Variants in MUC7 observed in about 807,000 individuals in gnomAD.
MUC7 encodes the protein mucin 7, secreted, also known as mucin-7.
In MUC7, 2 loss-of-function variants were observed where a neutral mutation model predicts 2.5. That is an observed-to-expected ratio of 0.81 (90% CI 0.33 to 2.55). The LOEUF (loss-of-function observed/expected upper bound fraction) is 2.55. Ranked by LOEUF, MUC7 falls within the 30% of genes most tolerant of loss-of-function variation. MUC7 has a pLI of 0.11. For synonymous variants in MUC7, 133 were observed against 173.4 expected, an observed-to-expected ratio of 0.77 and a Z score of 1.83; for missense variants, 408 against 455.6, an observed-to-expected ratio of 0.90 and a Z score of 0.95.
chr4:70,481,807 A>G lies in MUC7; in HGVS notation c.1063A>G (p.Lys355Glu). The change falls in exon 3 of 3, where the codon AAA becomes GAA. Residue 355 changes from lysine to glutamate, a missense_variant. Coordinates refer to ENST00000304887, the MANE Select transcript of MUC7 (RefSeq NM_152291.3). ...KQPTSAPGQN[K>E]ISRFLLYMKN... ...ACCAACTTCAGCTCCTGGCCAAAAT[A>G]AAATTTCTCGATTTCTTTTATATAT... The G allele has an allele frequency of 6.2e-7, 1 of 1,614,196 alleles. No individual in the cohort carries two copies. Among genetic ancestry groups the G allele is most frequent in the South Asian group, 1.1e-5 (1 of 91,088 alleles).
At position 70,482,720 on chromosome 4, in the gene MUC7, A is replaced by G. The variant is rs1420081523; in HGVS notation, c.*842A>G. The G allele has an allele frequency of 7.1e-6, 1 of 140,106 alleles. No individual in the cohort carries two copies. Among genetic ancestry groups the G allele is most frequent in the Non-Finnish European group, 1.6e-5 (1 of 63,846 alleles). 8.7% of individuals were successfully genotyped at this position (140,106 alleles called of 1,614,324 possible). A position where few individuals can be genotyped will look rare whatever the true frequency, so the allele number is the denominator to read the frequency against. ...TTAATTCACATAAATTCCATGTGAA[A>G]TGTATTCAACAATGGAATATTTTCT... On this transcript the variant is annotated 3_prime_UTR_variant, in exon 3 of 3. Transcript: ENST00000304887.
chr4:70,445,664 C>T (rs1388899852), intron 1 of MUC7, among the ~76,000 whole-genome samples: 2 of 152,130 alleles, frequency 1.3e-5, no homozygotes, highest in Non-Finnish European at 2.9e-5. Context: ...ACATAAATCC[C>T]AACCCAGTCT....
chr4:70,436,856 T>C (rs1312360760), intron 1 of MUC7, among the ~76,000 whole-genome samples: 3 of 152,236 alleles, frequency 2.0e-5, no homozygotes, highest in African/African-American at 7.2e-5. Context: ...TGGTCTTTGA[T>C]GTTGATGACC....
chr4:70,473,839 T>A (rs1315736069), intron 1 of MUC7, among the ~76,000 whole-genome samples, 168 bp from the exon 2 acceptor site: 1 of 152,208 alleles, frequency 6.6e-6, no homozygotes, highest in Non-Finnish European at 1.5e-5. Context: ...ATTTTAGGCC[T>A]GAAGCAATTT....
At chr4:70,434,218 G>C (rs904723844) in intron 1 of MUC7, among the ~76,000 whole-genome samples, 2 of 152,090 alleles carry the variant, frequency 1.3e-5, no homozygotes, top group African/African-American at 4.8e-5. Context: ...TTGGTATCAG[G>C]ATGATGCTGG....
At chr4:70,451,320 T>C (rs1336819607) in intron 1 of MUC7, among the ~76,000 whole-genome samples, 7 of 152,230 alleles carry the variant, frequency 4.6e-5, no homozygotes, top group Admixed American at 4.6e-4. Flanking sequence ...CTGCCAGGGC[T>C]AGGGCAGGTG....
chr4:70,464,096 T>C (rs1384467920), intron 1 of MUC7, among the ~76,000 whole-genome samples: 1 of 152,160 alleles, frequency 6.6e-6, no homozygotes, highest in African/African-American at 2.4e-5. Context: ...CAGCCCACAG[T>C]GGGTGAGCCA....
intron 1 of MUC7, among the ~76,000 whole-genome samples, chr4:70,435,237 G>A (rs1733796479): frequency 6.6e-6 from 1 of 152,186 alleles, no homozygotes; most frequent in Admixed American, 6.5e-5. Flanking sequence ...TTGGTCCAGA[G>A]CTGAGTTCAA....
upstream of MUC7, among the ~76,000 whole-genome samples, chr4:70,470,145 A>AC (rs1243916928): frequency 6.6e-6 from 1 of 152,212 alleles, no homozygotes; most frequent in Non-Finnish European, 1.5e-5. Context: ...TTCTCAGCAA[A>AC]CTAACACAGG....
chr4:70,450,543 T>A (rs886951605), intron 1 of MUC7, among the ~76,000 whole-genome samples: 1 of 152,148 alleles, frequency 6.6e-6, no homozygotes, highest in Admixed American at 6.6e-5. Flanking sequence ...CCACAGCAGA[T>A]AATGTGCTGA....
chr4:70,462,783 G>A (rs897399859), intron 1 of MUC7, among the ~76,000 whole-genome samples: 2 of 148,310 alleles, frequency 1.3e-5, no homozygotes, highest in Non-Finnish European at 3.0e-5. Flanking sequence ...GACCAGCCTG[G>A]GTAACATAGC....
upstream of MUC7, among the ~76,000 whole-genome samples, chr4:70,467,602 C>A (rs567618644): frequency 6.6e-6 from 1 of 152,282 alleles, no homozygotes; most frequent in South Asian, 2.1e-4. Flanking sequence ...CATAGAAATA[C>A]AAACTACCAT....
intron 1 of MUC7, among the ~76,000 whole-genome samples, chr4:70,445,342 A>C (rs1344123492): frequency 6.6e-6 from 1 of 152,200 alleles, no homozygotes; most frequent in Non-Finnish European, 1.5e-5. Context: ...AACAAAACTA[A>C]TGATGCTATA....
chr4:70,439,528 T>C (rs1733950012), intron 1 of MUC7, among the ~76,000 whole-genome samples: 1 of 152,208 alleles, frequency 6.6e-6, no homozygotes, highest in Non-Finnish European at 1.5e-5. Context: ...TAGTTCATCA[T>C]ACCTAGTAAG....
chr4:70,445,744 C>T (rs1436571137), intron 1 of MUC7, among the ~76,000 whole-genome samples: 1 of 152,180 alleles, frequency 6.6e-6, no homozygotes, highest in Non-Finnish European at 1.5e-5. Context: ...ATAGACACCA[C>T]CAATTGCTGA....
chr4:70,459,782 T>A (rs1734509927), intron 1 of MUC7, among the ~76,000 whole-genome samples: 1 of 152,140 alleles, frequency 6.6e-6, no homozygotes, highest in Admixed American at 6.5e-5. Context: ...TTCATCTTTG[T>A]TCATCTCTAA....
intron 1 of MUC7, among the ~76,000 whole-genome samples, chr4:70,449,296 G>A (rs6853189): frequency 0.023 from 3,571 of 152,170 alleles, 150 homozygotes; most frequent in African/African-American, 0.08. Context: ...AATGTGGCTC[G>A]GGAGGCCTCA....
At chr4:70,433,026 G>A (rs1454008996) in intron 1 of MUC7, among the ~76,000 whole-genome samples, 2 of 152,178 alleles carry the variant, frequency 1.3e-5, no homozygotes, top group African/African-American at 4.8e-5. Context: ...GTTTGTCCAA[G>A]ATCAGATGGT....
At chr4:70,475,142 G>A (rs2109742365) in intron 2 of MUC7, among the ~76,000 whole-genome samples, 1 of 152,226 alleles carries the variant, frequency 6.6e-6, no homozygotes, top group South Asian at 2.1e-4. Context: ...AGCTGGGTGT[G>A]GTGGTGGGCA....
Sources: allele counts gnomAD v4.1 joint callset (sites outside exome capture counted in the v4.1 genomes callset), GRCh38; gene constraint gnomAD v4.1.1; transcripts MANE v1.5; gene names NCBI Gene and HGNC (gene_info 2026-07-23, HGNC 2026-07-21).